The following RIMS2 variants were observed in gnomAD, a reference collection of about 807,000 sequenced individuals.
The protein encoded by RIMS2 is regulating synaptic membrane exocytosis protein 2.
Under a neutral mutation model 174.4 loss-of-function variants are expected in RIMS2, and 59 were observed. The ratio of observed to expected loss-of-function variants is 0.34; its 90% confidence interval spans 0.27 to 0.42. The LOEUF (loss-of-function observed/expected upper bound fraction) is 0.42. RIMS2 is among the 10% of genes least tolerant of loss of function. The probability of loss-of-function intolerance (pLI) is 1.00; values close to 1 mark genes in which losing one functional copy is unlikely to be tolerated. For synonymous variants in RIMS2, 606 were observed against 572.5 expected (o/e 1.06, Z -0.84); for missense variants, 1,620 against 1,666.3 (o/e 0.97, Z 0.48).
rs1477420772 is a variant in RIMS2, at chr8:103,916,406, C to T, written c.1913-8C>T. ...GTATAAGATTATTATTACTGACACC[C>T]ACTATAGGTGATGAAGTATTAGAAT... On this transcript the variant is annotated splice_region_variant and splice_polypyrimidine_tract_variant and intron_variant, in intron 7 of 23. Transcript: ENST00000504942. 2 of 1,596,074 alleles carry T rather than the reference C, an allele frequency of 1.3e-6. No individual in the cohort carries two copies. Among genetic ancestry groups the T allele is most frequent in the Non-Finnish European group, 8.6e-7 (1 of 1,169,292 alleles).
chr8:103,592,297 G>A (rs187357612), intron 1 of RIMS2, among the ~76,000 whole-genome samples: 71 of 151,156 alleles, frequency 4.7e-4, no homozygotes, highest in Non-Finnish European at 7.4e-5. Context: ...AACACCAAGA[G>A]TAATGATTCT....
intron 18 of RIMS2, 56 bp from the exon 21 acceptor site, chr8:104,014,450 T>C: frequency 2.2e-6 from 2 of 907,506 alleles, no homozygotes. Context: ...CAAATGTAGG[T>C]ATTAAAAATA....
chr8:103,734,219 G>A (rs958507876), intron 2 of RIMS2, among the ~76,000 whole-genome samples: 7 of 150,890 alleles, frequency 4.6e-5, no homozygotes, highest in Non-Finnish European at 1.0e-4. Context: ...CACCATGTTG[G>A]CCAGGATGGT....
At chr8:104,249,347 A>G in intron 21 of RIMS2, 140 bp from the exon 28 acceptor site, 1 of 542,692 alleles carries the variant, frequency 1.8e-6, no homozygotes, top group Admixed American at 3.4e-5. Context: ...GGAAGATATT[A>G]TTGATAGAAT....
intron 19 of RIMS2, among the ~76,000 whole-genome samples, chr8:104,072,417 T>C (rs2097211294): frequency 6.6e-6 from 1 of 152,078 alleles, no homozygotes. Context: ...CTGAAGAAAA[T>C]CATTTAACAA....
chr8:103,849,550 T>C (rs1014452472), intron 3 of RIMS2, among the ~76,000 whole-genome samples: 3 of 152,008 alleles, frequency 2.0e-5, no homozygotes, highest in African/African-American at 7.2e-5. Flanking sequence ...GGCATTGTTT[T>C]TTCCTTTGAA....
rs895671802 is a variant in RIMS2, at chr8:103,975,553, G to T, written c.2927+47G>T. 2.1e-6 allele frequency: 3 copies of T among 1,414,014 alleles called. No individual in the cohort carries two copies. In the African/African-American group the frequency reaches 4.2e-5, roughly 20 times the overall value. The allele number at this position is 1,414,014 out of a possible 1,614,324, so 87.6% of individuals were successfully genotyped here. On this transcript the variant is annotated intron_variant, in intron 16 of 23. Transcript: ENST00000504942. ...ATTTGTAGGGTGGCTGTATTAGTCA[G>T]TGTTCTCCAGAGGGACAAAACTAAT...
At chr8:103,744,829 T>C (rs2097793130) in intron 2 of RIMS2, among the ~76,000 whole-genome samples, 1 of 152,210 alleles carries the variant, frequency 6.6e-6, no homozygotes, top group Admixed American at 6.5e-5. Context: ...TACTCTTTAA[T>C]TGACATCTAT....
At chr8:103,501,407 T>G in intron 1 of RIMS2, 1 of 158,098 alleles carries the variant, frequency 6.3e-6, no homozygotes, top group Non-Finnish European at 1.4e-5. Context: ...TACCCTCTCC[T>G]TTCCCGCCGC....
chr8:103,921,375 G>C (rs1022235100), intron 9 of RIMS2, among the ~76,000 whole-genome samples: 9 of 152,042 alleles, frequency 5.9e-5, no homozygotes, highest in Non-Finnish European at 8.8e-5. Flanking sequence ...GTCATTGTAA[G>C]ATATGAATAT....
intron 1 of RIMS2, among the ~76,000 whole-genome samples, chr8:103,506,222 T>G (rs1823540658): frequency 6.6e-6 from 1 of 151,954 alleles, no homozygotes; most frequent in Non-Finnish European, 1.5e-5. Context: ...AAAAATTGAC[T>G]TATATTTTAT....
downstream of RIMS2, chr8:104,253,133 T>C (rs191875491): frequency 6.6e-6 from 1 of 152,386 alleles, no homozygotes; most frequent in Non-Finnish European, 1.5e-5. Flanking sequence ...CAGTGCATGG[T>C]AATTTTTTCA....
At chr8:103,816,845 C>T (rs538585925) in intron 3 of RIMS2, among the ~76,000 whole-genome samples, 11 of 152,204 alleles carry the variant, frequency 7.2e-5, no homozygotes, top group African/African-American at 2.6e-4. Flanking sequence ...TTACTTAGAC[C>T]ACTTCGATGC....
At chr8:103,583,831 A>G (rs967138952) in intron 1 of RIMS2, among the ~76,000 whole-genome samples, 4 of 152,232 alleles carry the variant, frequency 2.6e-5, no homozygotes, top group Admixed American at 2.0e-4. Context: ...AAGAGGAGGT[A>G]GGTAGATAGG....
At chr8:104,000,522 G>C (rs187256029) in intron 17 of RIMS2, among the ~76,000 whole-genome samples, 167 of 151,862 alleles carry the variant, frequency 1.1e-3, no homozygotes, top group African/African-American at 3.7e-3. Flanking sequence ...GTAAACATGG[G>C]AGTGCAGGTA....
chr8:104,202,079 CATT>C (rs2099057693), intron 19 of RIMS2, among the ~76,000 whole-genome samples: 2 of 152,174 alleles, frequency 1.3e-5, no homozygotes, highest in East Asian at 3.9e-4. Flanking sequence ...AGAATAACAT[CATT>C]ATTAAAATAA....
Position 103,942,930 on chromosome 8 carries a change from A to C in RIMS2, c.2701+4A>C. The C allele has an allele frequency of 6.3e-7, 1 of 1,598,306 alleles. No homozygotes were observed. The highest frequency in any genetic ancestry group is 8.5e-7 in the Non-Finnish European group (1 of 1,172,342). ...AGCCCAACACGGAGGTTGCAAAGTA[A>C]GTTTTACTAAAATTCTTTCATATTT... On this transcript the variant is annotated splice_donor_region_variant and intron_variant, in intron 14 of 23. Transcript: ENST00000504942.
chr8:103,707,379 G>A (rs1055794317), intron 2 of RIMS2, among the ~76,000 whole-genome samples: 1 of 152,172 alleles, frequency 6.6e-6, no homozygotes, highest in African/African-American at 2.4e-5. Context: ...ATTTATTCCA[G>A]TCTTTGTAGT....
At chr8:103,583,796 G>A (rs758301826) in intron 1 of RIMS2, among the ~76,000 whole-genome samples, 1 of 152,142 alleles carries the variant, frequency 6.6e-6, no homozygotes, top group Non-Finnish European at 1.5e-5. Context: ...CCTCAAAAGG[G>A]CAAGTGTAAG....
Sources: allele counts gnomAD v4.1 joint callset (sites outside exome capture counted in the v4.1 genomes callset), GRCh38; gene constraint gnomAD v4.1.1; transcripts MANE v1.5; gene names NCBI Gene and HGNC (gene_info 2026-07-23, HGNC 2026-07-21).